NUP107: variants seen among roughly 807,000 people sequenced by gnomAD.
NUP107 encodes nuclear pore complex protein Nup107.
NUP107 carries 101 observed loss-of-function variants against 141.0 expected under a neutral mutation model. The observed-to-expected ratio is 0.72, with a 90% CI of 0.61 to 0.84. The LOEUF (loss-of-function observed/expected upper bound fraction) is 0.84, where lower values mean the gene tolerates loss of function less well. NUP107 is among the 40% of genes least tolerant of loss of function. NUP107 has a pLI of 0.00. For synonymous variants in NUP107, 319 were observed against 363.9 expected, an observed-to-expected ratio of 0.88 and a Z score of 1.41; for missense variants, 941 against 1,102.7, an observed-to-expected ratio of 0.85 and a Z score of 2.08.
At chr12:68,717,287 C>T (rs186802717) in intron 12 of NUP107, among the ~76,000 whole-genome samples, 4 of 152,296 alleles carry the variant, frequency 2.6e-5, no homozygotes, top group Admixed American at 2.0e-4. Flanking sequence ...CTTTATAAAA[C>T]CACAGATAGT....
intron 11 of NUP107, chr12:68,714,348 G>C (rs1877007988): frequency 6.6e-6 from 1 of 152,138 alleles, no homozygotes; most frequent in Non-Finnish European, 1.5e-5. Context: ...GATGAAAATT[G>C]TTTGGGAAAA....
At chr12:68,698,975 C>G (rs950692012) in intron 6 of NUP107, among the ~76,000 whole-genome samples, 1 of 151,962 alleles carries the variant, frequency 6.6e-6, no homozygotes, top group Admixed American at 6.6e-5. Flanking sequence ...TCAGTTGTAA[C>G]AGATATACCA....
chr12:68,711,257 A>G (rs1188344333), intron 10 of NUP107, among the ~76,000 whole-genome samples: 1 of 152,166 alleles, frequency 6.6e-6, no homozygotes, highest in East Asian at 1.9e-4. Context: ...AGGCTGAGGC[A>G]GGAGAATCGC....
Position 68,728,958 on chromosome 12 carries a change from G to T in NUP107, c.1734+1569G>T, listed in dbSNP as rs369382545. On this transcript the variant is annotated intron_variant, in intron 20 of 27. Transcript: ENST00000229179. The stretch of plus-strand genomic sequence containing the variant: ...ATTCACCTTTTTCTTGTAATCTCAT[G>T]ACTTTTCTCTGCTTCTTGGGAGAAC... Among the ~76,000 whole-genome samples, 38 of 152,146 alleles carry T rather than the reference G, an allele frequency of 2.5e-4. No individual in the cohort carries two copies. In the East Asian group the frequency reaches 4.4e-3, roughly 18 times the overall value.
At chr12:68,703,519 T>C (rs1192267519) in intron 8 of NUP107, among the ~76,000 whole-genome samples, 4 of 151,996 alleles carry the variant, frequency 2.6e-5, no homozygotes, top group Admixed American at 2.6e-4. Context: ...GGCACGATCA[T>C]GGCTCACTGC....
chr12:68,741,268 T>G (rs1387948298), intron 26 of NUP107, among the ~76,000 whole-genome samples: 1 of 152,144 alleles, frequency 6.6e-6, no homozygotes, highest in Non-Finnish European at 1.5e-5. Context: ...TCCTTATATA[T>G]CTGTTCTGAC....
intron 18 of NUP107, 87 bp downstream of exon 18, chr12:68,725,883 CTGGAGTGCAG>C: frequency 2.9e-6 from 2 of 700,758 alleles, no homozygotes; most frequent in Non-Finnish European, 4.7e-6. Context: ...GTTGCCCAGA[CTGGAGTGCAG>C]TGGCTCAGTC....
rs539578926 is a variant in NUP107 at position 68,733,320 on chromosome 12, C to T, written c.2102-132C>T. 8 of 711,950 alleles carry T rather than the reference C, an allele frequency of 1.1e-5. 1 individual carries two copies. Among genetic ancestry groups the T allele is most frequent in the Middle Eastern group, 4.0e-4 (1 of 2,482 alleles). The allele number at this position is 711,950 out of a possible 1,614,324, so 44.1% of individuals were successfully genotyped here. Reference sequence around the variant, plus strand: ...TATCAGGTAGAAAGATCACCAAGACCTTTAACAGAGTGCCTTGGGCCCTGA... The same window carrying T: ...TATCAGGTAGAAAGATCACCAAGACTTTTAACAGAGTGCCTTGGGCCCTGA... On this transcript the variant is annotated intron_variant, in intron 23 of 27. Transcript: ENST00000229179.
intron 1 of NUP107, among the ~76,000 whole-genome samples, chr12:68,688,073 C>T (rs1290821206): frequency 6.6e-6 from 1 of 151,924 alleles, no homozygotes; most frequent in African/African-American, 2.4e-5. Flanking sequence ...ATGCAGTATA[C>T]GTTTAAAGTG....
intron 26 of NUP107, among the ~76,000 whole-genome samples, chr12:68,738,922 C>G (rs976310857): frequency 6.6e-6 from 1 of 152,060 alleles, no homozygotes; most frequent in East Asian, 1.9e-4. Flanking sequence ...GGAATAAAAT[C>G]TTTCTTTTCT....
chr12:68,713,550 A>G (rs1401999189), intron 10 of NUP107, among the ~76,000 whole-genome samples, 180 bp from the exon 11 acceptor site: 2 of 152,172 alleles, frequency 1.3e-5, no homozygotes, highest in African/African-American at 4.8e-5. Flanking sequence ...CAATAAGGAC[A>G]TGAAAAAGCC....
chr12:68,702,670 C>T, intron 7 of NUP107, 66 bp from the exon 8 acceptor site: 1 of 1,100,444 alleles, frequency 9.1e-7, no homozygotes, highest in Non-Finnish European at 1.3e-6. Context: ...CTCTCAGATG[C>T]TCAGTGGCAA....
rs554047942 is a variant in NUP107, at chr12:68,739,076, CGCCAAGA to C, written c.2503-2736_2503-2730del. Among the ~76,000 whole-genome samples the C allele has an allele frequency of 7.6e-4, 116 of 152,204 alleles. No individual in the cohort carries two copies. The East Asian group carries it at 0.019, about 25-fold the overall frequency. On this transcript the variant is annotated intron_variant, in intron 26 of 27. Transcript: ENST00000229179. ...TTCCCCTCTGCCTAGAATGCTCCTT[CGCCAAGA>C]TAGGTGCATGGATGACTTTGTACTT...
chr12:68,740,391 T>G (rs911405725), intron 26 of NUP107, among the ~76,000 whole-genome samples: 1 of 152,196 alleles, frequency 6.6e-6, no homozygotes. Flanking sequence ...ATAAAGGTGC[T>G]TCCCTTGTAA....
At chr12:68,713,849 T>A (rs1223444520) in intron 11 of NUP107, 41 bp downstream of exon 11, 3 of 1,521,614 alleles carry the variant, frequency 2.0e-6, no homozygotes, top group Non-Finnish European at 2.7e-6. Flanking sequence ...CAAAGTTAAC[T>A]GATTTTTTTT....
At chr12:68,697,790 G>A (rs1876139724) in intron 6 of NUP107, among the ~76,000 whole-genome samples, 1 of 152,110 alleles carries the variant, frequency 6.6e-6, no homozygotes, top group African/African-American at 2.4e-5. Flanking sequence ...AGCACTTTGG[G>A]AGGCCGAGGT....
chr12:68,731,134 A>T lies in NUP107; in HGVS notation c.1759A>T (p.Asn587Tyr). The T allele has an allele frequency of 6.3e-7, 1 of 1,594,708 alleles. No homozygotes were observed. Among genetic ancestry groups the T allele is most frequent in the Non-Finnish European group, 8.5e-7 (1 of 1,172,542 alleles). The change falls in exon 21 of 28, where the codon AAT becomes TAT. Residue 587 changes from asparagine to tyrosine, a missense_variant. Physicochemically the swap from Asn to Tyr is moderately radical, Grantham distance 143. Coordinates refer to ENST00000229179, the MANE Select transcript of NUP107 (RefSeq NM_020401.4). ...IQLLIREKHTNLIAFYTCHLP... is the reference protein window; with the variant it reads ...IQLLIREKHTYLIAFYTCHLP... ...GCTTTTAATAAGAGAGAAACATACA[A>T]ATCTTATAGCATTTTATACCTGTCA...
chr12:68,710,864 G>C (rs1444621455), intron 10 of NUP107, among the ~76,000 whole-genome samples: 4 of 152,072 alleles, frequency 2.6e-5, no homozygotes, highest in African/African-American at 9.7e-5. Flanking sequence ...TTATGTAAAG[G>C]ATCTGAGCAC....
At chr12:68,691,185 C>A (rs1429827901) in intron 4 of NUP107, among the ~76,000 whole-genome samples, 1 of 152,100 alleles carries the variant, frequency 6.6e-6, no homozygotes, top group Non-Finnish European at 1.5e-5. Flanking sequence ...AGTAAAAAAA[C>A]TGAAAACCTT....
Sources: gnomAD v4.1 joint callset for allele counts (sites outside exome capture counted in the v4.1 genomes callset) on GRCh38, gnomAD v4.1.1 for gene constraint, MANE v1.5 for transcripts, NCBI Gene and HGNC (gene_info 2026-07-23, HGNC 2026-07-21) for gene names.